NAV3: variants seen among roughly 807,000 people sequenced by gnomAD.
NAV3 encodes neuron navigator 3.
Under a neutral mutation model 244.7 loss-of-function variants are expected in NAV3, and 87 were observed. The ratio of observed to expected loss-of-function variants is 0.36; its 90% CI spans 0.30 to 0.42. The LOEUF (loss-of-function observed/expected upper bound fraction) is 0.42, where lower values mean the gene tolerates loss of function less well. Ranked by LOEUF, NAV3 falls within the 20% of genes least tolerant of loss-of-function variation. The probability of loss-of-function intolerance (pLI) is 1.00; values close to 1 mark genes in which losing one functional copy is unlikely to be tolerated. For missense variants in NAV3, 2,663 were observed against 2,893.3 expected (o/e 0.92, Z 1.83); for synonymous variants, 1,126 against 1,042.2 (o/e 1.08, Z -1.55).
chr12:77,857,164 T>C (rs1375677879), intron 1 of NAV3, among the ~76,000 whole-genome samples: 1 of 152,110 alleles, frequency 6.6e-6, no homozygotes, highest in Non-Finnish European at 1.5e-5. Flanking sequence ...TAGCCCTCTC[T>C]TTTAATGAGG....
At chr12:78,126,828 C>T (rs1047022330) in intron 16 of NAV3, among the ~76,000 whole-genome samples, 7 of 152,098 alleles carry the variant, frequency 4.6e-5, no homozygotes, top group African/African-American at 1.7e-4. Flanking sequence ...CATGTGATAT[C>T]ATAGCAAAAG....
In NAV3 at chr12:78,197,385, T is replaced by G; in HGVS notation, c.6430T>G (p.Cys2144Gly). The G allele has an allele frequency of 6.3e-7, 1 of 1,596,518 alleles. No individual in the cohort carries two copies. The highest frequency in any genetic ancestry group is 8.5e-7 in the Non-Finnish European group (1 of 1,170,890). Reference protein sequence around the residue: ...LSDIFNGFLNCKYNKCPYIIG... With the variant: ...LSDIFNGFLNGKYNKCPYIIG... The stretch of plus-strand genomic sequence containing the variant: ...TGATATCTTCAATGGTTTTCTCAAT[T>G]GTAAATACAACAAATGGTATGCTTA... The change falls in exon 35 of 40, where the codon TGT becomes GGT. Residue 2144 changes from cysteine to glycine, a missense_variant. Cys to Gly is a radical substitution (Grantham distance 159, BLOSUM62 -3). This residue lies in a region of NAV3 where 543 missense variants were observed against 672.4 expected (regional missense o/e 0.81). Transcript: ENST00000397909.
chr12:77,951,728 A>T lies in NAV3; in HGVS notation c.414+10595A>T, dbSNP rs190512702. ...ATGTGGCACATATACACCATGGAAT[A>T]CTATGCAGCCATAAAAAAGGGTGAG... On this transcript the variant is annotated intron_variant, in intron 3 of 39. Coordinates refer to ENST00000397909, the MANE Select transcript of NAV3 (RefSeq NM_001024383.2). Among the ~76,000 whole-genome samples, 354 of 152,278 alleles carry T rather than the reference A, an allele frequency of 2.3e-3. 1 individual carries two copies. The highest frequency in any genetic ancestry group is 8.3e-3 in the African/African-American group (346 of 41,552).
At chr12:77,870,797 T>C (rs1880834131) in intron 1 of NAV3, among the ~76,000 whole-genome samples, 1 of 152,200 alleles carries the variant, frequency 6.6e-6, no homozygotes, top group Non-Finnish European at 1.5e-5. Context: ...TTAAATTGAA[T>C]TGTGAAAAGC....
At position 78,073,939 on chromosome 12, in the gene NAV3, A is replaced by T. The variant is rs144457073; in HGVS notation, c.2636+14824A>T. 1.1e-4 allele frequency among the ~76,000 whole-genome samples: 17 copies of T among 152,352 alleles called. No individual in the cohort carries two copies. The East Asian group carries it at 2.9e-3, about 26-fold the overall frequency. Reference sequence around the variant, plus strand: ...TTGGTACAGTTGATGATTTTATAGCAGAGATATGTTCATACTCAAATATTA... The same window carrying T: ...TTGGTACAGTTGATGATTTTATAGCTGAGATATGTTCATACTCAAATATTA... On this transcript the variant is annotated intron_variant, in intron 12 of 39. Transcript: ENST00000397909.
At chr12:78,102,292 A>T (rs1412216103) in intron 12 of NAV3, among the ~76,000 whole-genome samples, 1 of 152,220 alleles carries the variant, frequency 6.6e-6, no homozygotes, top group South Asian at 2.1e-4. Context: ...TCCGAAATCC[A>T]TCTGGGCAGT....
At chr12:77,699,100 T>C (rs549731065) in intron 2 of NAV3, among the ~76,000 whole-genome samples, 3 of 152,164 alleles carry the variant, frequency 2.0e-5, no homozygotes, top group Non-Finnish European at 2.9e-5. Flanking sequence ...CCACTTTTAT[T>C]TGATATATTT....
chr12:77,772,258 A>G (rs1455553819), intron 2 of NAV3, among the ~76,000 whole-genome samples: 1 of 152,202 alleles, frequency 6.6e-6, no homozygotes, highest in Non-Finnish European at 1.5e-5. Context: ...AGGCATATCA[A>G]GAACTTTGCA....
intron 9 of NAV3, among the ~76,000 whole-genome samples, chr12:78,028,217 T>C (rs1158586582): frequency 2.0e-5 from 3 of 152,178 alleles, no homozygotes; most frequent in Non-Finnish European, 4.4e-5. Flanking sequence ...TCCATCAGTG[T>C]CACGGTGTAC....
At chr12:77,971,248 G>A (rs1892974816) in intron 5 of NAV3, among the ~76,000 whole-genome samples, 1 of 151,940 alleles carries the variant, frequency 6.6e-6, no homozygotes, top group Non-Finnish European at 1.5e-5. Flanking sequence ...AGCCTTTAAG[G>A]CTGTGGTAGA....
At chr12:77,957,817 C>G (rs1891510914) in intron 3 of NAV3, among the ~76,000 whole-genome samples, 1 of 152,000 alleles carries the variant, frequency 6.6e-6, no homozygotes, top group Non-Finnish European at 1.5e-5. Flanking sequence ...CAGAAGCCTG[C>G]CACCATGTCT....
At chr12:77,589,217 G>C (rs1194328441) in intron 2 of NAV3, among the ~76,000 whole-genome samples, 1 of 152,136 alleles carries the variant, frequency 6.6e-6, no homozygotes, top group Non-Finnish European at 1.5e-5. Context: ...TCAGATCCTG[G>C]CTCTGTGGAT....
chr12:77,811,769 G>A (rs1199244498), intron 2 of NAV3, among the ~76,000 whole-genome samples: 1 of 152,220 alleles, frequency 6.6e-6, no homozygotes, highest in Non-Finnish European at 1.5e-5. Context: ...AAGTGGATAG[G>A]TGGAAAGAAG....
intron 2 of NAV3, among the ~76,000 whole-genome samples, chr12:77,661,059 C>T (rs1292928488): frequency 1.3e-5 from 2 of 152,136 alleles, no homozygotes; most frequent in Admixed American, 1.3e-4. Context: ...TACTCACCTT[C>T]AAGGCTTTAA....
chr12:77,687,097 G>T (rs1874789200), intron 2 of NAV3, among the ~76,000 whole-genome samples: 2 of 151,962 alleles, frequency 1.3e-5, no homozygotes, highest in Non-Finnish European at 2.9e-5. Flanking sequence ...TGTTTACAAG[G>T]TTTGATTTTT....
intron 6 of NAV3, among the ~76,000 whole-genome samples, chr12:77,997,889 A>C (rs1872624991): frequency 6.6e-6 from 1 of 152,236 alleles, no homozygotes; most frequent in Non-Finnish European, 1.5e-5. Context: ...ATATCCAAGC[A>C]AACTTACTAT....
At chr12:78,156,519 T>G (rs143084408) in intron 22 of NAV3, among the ~76,000 whole-genome samples, 2 of 152,148 alleles carry the variant, frequency 1.3e-5, no homozygotes, top group African/African-American at 4.8e-5. Context: ...TGTCAAACTT[T>G]AATTCATATT....
At chr12:77,838,237 G>A (rs760276004) in intron 1 of NAV3, among the ~76,000 whole-genome samples, 2 of 152,110 alleles carry the variant, frequency 1.3e-5, no homozygotes, top group Admixed American at 6.5e-5. Flanking sequence ...AACAATGGTC[G>A]GAGAATGTTG....
At chr12:77,995,366 A>G (rs1222154796) in intron 6 of NAV3, among the ~76,000 whole-genome samples, 3 of 152,218 alleles carry the variant, frequency 2.0e-5, no homozygotes, top group Admixed American at 6.5e-5. Context: ...TGACACAGGT[A>G]TAATAAAGAC....
Sources: gnomAD v4.1 joint callset for allele counts (sites outside exome capture counted in the v4.1 genomes callset) on GRCh38, gnomAD v4.1.1 for gene constraint, gnomAD v4.1.1 regional missense constraint, MANE v1.5 for transcripts, NCBI Gene and HGNC (gene_info 2026-07-23, HGNC 2026-07-21) for gene names.